BBS9: variants seen among roughly 807,000 people sequenced by gnomAD.
BBS9 encodes Bardet-Biedl syndrome 9, also known as protein PTHB1.
In BBS9, 89 loss-of-function variants were observed where a neutral mutation model predicts 117.7. That is an observed-to-expected ratio of 0.76 (90% CI 0.64 to 0.90). BBS9 has a LOEUF of 0.90. Ranked by LOEUF, BBS9 falls within the 40% of genes least tolerant of loss-of-function variation. BBS9 has a pLI of 0.00. For missense variants in BBS9, 982 were observed against 1,042.2 expected (o/e 0.94, Z 0.80); for synonymous variants, 379 against 370.9 (o/e 1.02, Z -0.25).
chr7:33,130,987 G>A (rs1357422849), intron 1 of BBS9, among the ~76,000 whole-genome samples: 2 of 152,100 alleles, frequency 1.3e-5, no homozygotes, highest in African/African-American at 2.4e-5. Context: ...GAGGGATGTA[G>A]TAAGTCTTAC....
chr7:33,574,918 A>T (rs925752330), intron 21 of BBS9, among the ~76,000 whole-genome samples: 2 of 152,050 alleles, frequency 1.3e-5, no homozygotes, highest in Admixed American at 6.6e-5. Flanking sequence ...GCATACTTTA[A>T]ATACCTCAAG....
At chr7:33,630,792 C>T (rs779939388) in intron 21 of BBS9, among the ~76,000 whole-genome samples, 1 of 111,918 alleles carries the variant, frequency 8.9e-6, no homozygotes, top group Non-Finnish European at 2.3e-5. Context: ...GGCATGGTTT[C>T]CTGCCTTCTG....
rs1822061782 is a variant in BBS9 at position 33,367,759 on chromosome 7, C to A, written c.1694-8C>A. On this transcript the variant is annotated splice_region_variant and splice_polypyrimidine_tract_variant and intron_variant, in intron 16 of 22. Transcript: ENST00000242067. The stretch of plus-strand genomic sequence containing the variant: ...TTACATAAGGTGATTTCTCTCTTTT[C>A]TTTGTAGGTTTTGCCAGTCAGTCAG... 1.2e-6 allele frequency: 2 copies of A among 1,613,138 alleles called. No homozygotes were observed. Among genetic ancestry groups the A allele is most frequent in the African/African-American group, 2.7e-5 (2 of 74,996 alleles).
chr7:33,184,563 C>A (rs1292167115), intron 5 of BBS9, among the ~76,000 whole-genome samples: 1 of 152,140 alleles, frequency 6.6e-6, no homozygotes, highest in Non-Finnish European at 1.5e-5. Flanking sequence ...TTAAGAGGGT[C>A]ATTTAACCCA....
intron 19 of BBS9, among the ~76,000 whole-genome samples, chr7:33,404,249 T>G (rs1829498851): frequency 6.6e-6 from 1 of 152,118 alleles, no homozygotes; most frequent in Non-Finnish European, 1.5e-5. Context: ...TACTGTAGCC[T>G]TGTAGTATAG....
intron 21 of BBS9, among the ~76,000 whole-genome samples, chr7:33,584,999 C>A (rs1301049491): frequency 6.6e-6 from 1 of 152,000 alleles, no homozygotes; most frequent in Non-Finnish European, 1.5e-5. Context: ...TTGATTTTGT[C>A]TTTTTCCTCA....
At chr7:33,309,845 G>T (rs1390186460) in intron 9 of BBS9, among the ~76,000 whole-genome samples, 1 of 152,192 alleles carries the variant, frequency 6.6e-6, no homozygotes, top group Non-Finnish European at 1.5e-5. Flanking sequence ...ATATAGCATT[G>T]AATTCTCAGG....
chr7:33,515,064 T>A (rs555289377), intron 20 of BBS9, among the ~76,000 whole-genome samples: 4 of 152,272 alleles, frequency 2.6e-5, no homozygotes, highest in African/African-American at 9.6e-5. Flanking sequence ...ATTGCCACTG[T>A]ATGACAACAA....
chr7:33,586,620 G>A (rs569998503), intron 21 of BBS9, among the ~76,000 whole-genome samples: 2 of 152,168 alleles, frequency 1.3e-5, no homozygotes, highest in South Asian at 4.1e-4. Flanking sequence ...GCTATTCACG[G>A]TAGCAAAGAC....
At chr7:33,474,488 T>C (rs1045913136) in intron 19 of BBS9, among the ~76,000 whole-genome samples, 3 of 152,356 alleles carry the variant, frequency 2.0e-5, no homozygotes, top group African/African-American at 7.2e-5. Flanking sequence ...GTTCTTTCCA[T>C]GTCTCACTTT....
intron 21 of BBS9, among the ~76,000 whole-genome samples, chr7:33,602,729 CA>C (rs913115315): frequency 1.3e-5 from 2 of 150,222 alleles, no homozygotes; most frequent in Admixed American, 6.6e-5. Flanking sequence ...AACTCTGTCT[CA>C]AAAAAAAAGA....
chr7:33,308,871 A>C (rs891221679), intron 9 of BBS9, among the ~76,000 whole-genome samples: 1 of 152,232 alleles, frequency 6.6e-6, no homozygotes, highest in African/African-American at 2.4e-5. Flanking sequence ...AACTATACAC[A>C]TATGAAAGAA....
chr7:33,618,149 G>C (rs926750987), intron 21 of BBS9, among the ~76,000 whole-genome samples: 1 of 151,968 alleles, frequency 6.6e-6, no homozygotes, highest in East Asian at 1.9e-4. Context: ...AGACCAACCT[G>C]GGCAACATAG....
At chr7:33,242,287 C>T (rs1010001081) in intron 5 of BBS9, among the ~76,000 whole-genome samples, 4 of 151,954 alleles carry the variant, frequency 2.6e-5, no homozygotes, top group African/African-American at 4.8e-5. Context: ...ATGCTATTTA[C>T]AAGTTCTCCT....
intron 21 of BBS9, among the ~76,000 whole-genome samples, chr7:33,632,597 A>G (rs1346229896): frequency 6.6e-6 from 1 of 152,028 alleles, no homozygotes; most frequent in Admixed American, 6.5e-5. Context: ...TCCCTGTCCC[A>G]GAATGACCCA....
chr7:33,425,345 T>A (rs181494574), intron 19 of BBS9, among the ~76,000 whole-genome samples: 1,640 of 152,262 alleles, frequency 0.011, 7 homozygotes, highest in Non-Finnish European at 0.015. Flanking sequence ...TTTAAAAAAA[T>A]TTTTTATTTT....
intron 1 of BBS9, among the ~76,000 whole-genome samples, chr7:33,139,786 T>G (rs1001801760): frequency 2.0e-5 from 3 of 152,160 alleles, no homozygotes; most frequent in Non-Finnish European, 4.4e-5. Flanking sequence ...GATGCAGGAG[T>G]GAGCAGAGGA....
intron 21 of BBS9, among the ~76,000 whole-genome samples, chr7:33,558,979 C>T (rs1452865505): frequency 6.6e-6 from 1 of 152,102 alleles, no homozygotes; most frequent in African/African-American, 2.4e-5. Flanking sequence ...ACCTTCTTCC[C>T]CTAAGTACAA....
intron 21 of BBS9, among the ~76,000 whole-genome samples, chr7:33,587,819 G>A (rs1051153852): frequency 6.6e-6 from 1 of 152,064 alleles, no homozygotes; most frequent in African/African-American, 2.4e-5. Flanking sequence ...AATTTGAAAT[G>A]TTTATGTTAC....
Sources: allele counts gnomAD v4.1 joint callset (sites outside exome capture counted in the v4.1 genomes callset), GRCh38; gene constraint gnomAD v4.1.1; transcripts MANE v1.5; gene names NCBI Gene and HGNC (gene_info 2026-07-23, HGNC 2026-07-21).